The following PCDH11X variants were observed in gnomAD, a reference collection of about 807,000 sequenced individuals.
PCDH11X encodes the protein protocadherin-11 X-linked.
Under a neutral mutation model 53.3 loss-of-function variants are expected in PCDH11X, and 18 were observed. The observed-to-expected ratio is 0.34, with a 90% CI of 0.23 to 0.50. PCDH11X has a LOEUF of 0.50. Ranked by LOEUF, PCDH11X falls within the 20% of genes least tolerant of loss-of-function variation. PCDH11X has a pLI of 0.98. For missense variants in PCDH11X, 570 were observed against 1,032.4 expected (o/e 0.55, Z 6.14); for synonymous variants, 279 against 393.3 (o/e 0.71, Z 3.44).
At chrX:92,189,121 C>T (rs1346026252) in intron 6 of PCDH11X, among the ~76,000 whole-genome samples, 2 of 110,724 alleles carry the variant, frequency 1.8e-5, no homozygotes, top group Non-Finnish European at 3.8e-5. Context: ...CATAGGTAAA[C>T]ATGTGCCATG....
intron 10 of PCDH11X, among the ~76,000 whole-genome samples, chrX:92,522,331 G>A (rs1389150937): frequency 1.8e-5 from 2 of 111,931 alleles, no homozygotes; most frequent in South Asian, 7.5e-4. Flanking sequence ...AGAGAGATGG[G>A]AAAATGGCTG....
chrX:92,444,425 A>T (rs2148638953), intron 9 of PCDH11X, among the ~76,000 whole-genome samples: 1 of 98,573 alleles, frequency 1.0e-5, no homozygotes, highest in East Asian at 3.2e-4. Flanking sequence ...AGTTCCAGGA[A>T]CTTTTTGACA....
intron 10 of PCDH11X, among the ~76,000 whole-genome samples, chrX:92,496,048 A>G (rs1278889416): frequency 1.0e-5 from 1 of 98,743 alleles, no homozygotes; most frequent in Non-Finnish European, 2.0e-5. Context: ...TGCATTGACT[A>G]CCATTTTAGA....
At position 92,295,799 on chromosome X, in the gene PCDH11X, G is replaced by A. The variant is rs1254795696; in HGVS notation, c.3144+32656G>A. On this transcript the variant is annotated intron_variant, in intron 8 of 10. Coordinates refer to ENST00000682573, the MANE Select transcript of PCDH11X (RefSeq NM_032968.5). ...TGTGTCTATTAAAAAGATCATGTGG[G>A]TTGGGCACCGTGGCTCATGCCTGTA... 5.8e-5 allele frequency among the ~76,000 whole-genome samples: 6 copies of A among 103,495 alleles called. No individual in the cohort carries two copies. In the East Asian group the frequency reaches 1.5e-3, roughly 26 times the overall value. The allele number at this position is 103,495 out of a possible 115,157, so 89.9% of individuals were successfully genotyped here. A position where few individuals can be genotyped will look rare whatever the true frequency, so the allele number is the denominator to read the frequency against.
At chrX:92,354,994 C>T (rs1465206083) in intron 8 of PCDH11X, among the ~76,000 whole-genome samples, 5 of 108,819 alleles carry the variant, frequency 4.6e-5, no homozygotes, top group Non-Finnish European at 9.5e-5. Context: ...ATAAATAGTC[C>T]CCATTTATAC....
chrX:92,503,163 A>G (rs1324389232), intron 10 of PCDH11X, among the ~76,000 whole-genome samples: 1 of 108,927 alleles, frequency 9.2e-6, no homozygotes, highest in Non-Finnish European at 1.9e-5. Flanking sequence ...CCTCAAATCA[A>G]AACCACAATG....
intron 8 of PCDH11X, among the ~76,000 whole-genome samples, chrX:92,383,503 G>A (rs2070936092): frequency 9.1e-6 from 1 of 110,064 alleles, no homozygotes; most frequent in South Asian, 4.0e-4. Context: ...AGGCCCCAGT[G>A]TGTGATGTTT....
At chrX:91,851,133 A>T (rs775513508) in intron 5 of PCDH11X, among the ~76,000 whole-genome samples, 2 of 110,821 alleles carry the variant, frequency 1.8e-5, no homozygotes, top group East Asian at 5.7e-4. Flanking sequence ...TGATTAATTA[A>T]GATGTAGGGA....
At chrX:91,806,765 G>T (rs1217456187) in intron 1 of PCDH11X, among the ~76,000 whole-genome samples, 3 of 111,799 alleles carry the variant, frequency 2.7e-5, no homozygotes, top group Non-Finnish European at 5.6e-5. Context: ...ATTGACAGGG[G>T]CTAGTGTCGA....
chrX:92,029,346 T>C (rs907726034), intron 6 of PCDH11X, among the ~76,000 whole-genome samples: 2 of 111,849 alleles, frequency 1.8e-5, no homozygotes, highest in African/African-American at 6.5e-5. Context: ...CCCATTACTG[T>C]TAACTGTCTT....
At chrX:91,905,688 A>T (rs1941127431) in intron 6 of PCDH11X, among the ~76,000 whole-genome samples, 2 of 110,885 alleles carry the variant, frequency 1.8e-5, no homozygotes, top group South Asian at 7.4e-4. Flanking sequence ...TGATATTTTC[A>T]TTTTTCTTTT....
intron 8 of PCDH11X, among the ~76,000 whole-genome samples, chrX:92,375,773 G>A (rs1468738785): frequency 8.3e-5 from 9 of 107,924 alleles, no homozygotes; most frequent in Admixed American, 6.0e-4. Flanking sequence ...ACAGGCACCC[G>A]CCACCACGCC....
intron 8 of PCDH11X, among the ~76,000 whole-genome samples, chrX:92,360,296 T>A (rs1032199014): frequency 1.3e-4 from 15 of 111,339 alleles, no homozygotes; most frequent in Non-Finnish European, 3.8e-5. Flanking sequence ...TTCTTGCTTT[T>A]CTGATGTTAC....
At chrX:91,912,663 C>T (rs1941410681) in intron 6 of PCDH11X, among the ~76,000 whole-genome samples, 1 of 110,197 alleles carries the variant, frequency 9.1e-6, no homozygotes, top group African/African-American at 3.3e-5. Context: ...TTGAGAAAAT[C>T]GAAGTGGGGG....
intron 10 of PCDH11X, among the ~76,000 whole-genome samples, chrX:92,505,459 C>T (rs1189900028): frequency 9.1e-6 from 1 of 110,362 alleles, no homozygotes; most frequent in Non-Finnish European, 1.9e-5. Flanking sequence ...AATAGGGAGT[C>T]TTTCCTCATT....
At chrX:92,514,722 C>A (rs1158120847) in intron 10 of PCDH11X, among the ~76,000 whole-genome samples, 6 of 96,059 alleles carry the variant, frequency 6.2e-5, no homozygotes, top group African/African-American at 2.0e-4. Flanking sequence ...CAGAGCGTGA[C>A]TACATCTCAA....
intron 8 of PCDH11X, among the ~76,000 whole-genome samples, chrX:92,363,357 C>G (rs1193345887): frequency 6.3e-5 from 7 of 111,021 alleles, no homozygotes; most frequent in Non-Finnish European, 1.1e-4. Context: ...TCAGCGTATA[C>G]CTTTCCCCTC....
intron 8 of PCDH11X, among the ~76,000 whole-genome samples, chrX:92,265,832 T>A (rs1362895115): frequency 8.9e-6 from 1 of 112,135 alleles, no homozygotes; most frequent in Non-Finnish European, 1.9e-5. Context: ...AAACAAATAC[T>A]TTCTTTATAT....
At chrX:92,308,896 C>T (rs941827948) in intron 8 of PCDH11X, among the ~76,000 whole-genome samples, 2 of 109,950 alleles carry the variant, frequency 1.8e-5, no homozygotes, top group African/African-American at 3.3e-5. Context: ...TTCAATATCA[C>T]TAATTATTAG....
Sources: allele counts gnomAD v4.1 joint callset (sites outside exome capture counted in the v4.1 genomes callset), GRCh38; gene constraint gnomAD v4.1.1; transcripts MANE v1.5; gene names NCBI Gene and HGNC (gene_info 2026-07-23, HGNC 2026-07-21).